Variants in DNPH1 observed in about 807,000 individuals in gnomAD.
DNPH1 encodes the protein 5-hydroxymethyl-dUMP N-hydrolase.
A neutral mutation model predicts 15.7 loss-of-function variants in DNPH1; 18 were observed. That is an observed-to-expected ratio of 1.15 (90% CI 0.79 to 1.70). The LOEUF (loss-of-function observed/expected upper bound fraction) is 1.70, where lower values mean the gene tolerates loss of function less well. Ranked by LOEUF, DNPH1 falls within the 40% of genes most tolerant of loss-of-function variation. DNPH1 has a pLI of 0.00. For synonymous variants in DNPH1, 114 were observed against 107.9 expected (o/e 1.06, Z -0.35); for missense variants, 262 against 255.2 (o/e 1.03, Z -0.18).
chr6:43,225,680 A>C lies in DNPH1; in HGVS notation c.*53T>G. On this transcript the variant is annotated 3_prime_UTR_variant, in exon 4 of 4. Coordinates refer to ENST00000230431, the MANE Select transcript of DNPH1 (RefSeq NM_006443.3). ...TTGCTCCTGGGGCTAAGAGGAAGGA[A>C]TGGTACTAGAGCAGTGTCTGAGAAT... The C allele has an allele frequency of 6.3e-7, 1 of 1,593,160 alleles. No homozygotes were observed. The highest frequency in any genetic ancestry group is 1.3e-5 in the African/African-American group (1 of 74,664).
At position 43,229,282 on chromosome 6, in the gene DNPH1, C is replaced by T; in HGVS notation, c.175G>A (p.Ala59Thr). The change falls in exon 1 of 4, where the codon GCC (alanine) becomes ACC (threonine). Residue 59 changes from alanine to threonine, a missense_variant. Ala to Thr is a moderately conservative substitution (Grantham distance 58, BLOSUM62 0). Coordinates refer to ENST00000230431, the MANE Select transcript of DNPH1 (RefSeq NM_006443.3). ...TCACCGCGCGCGCCCAGCTCGGCGG[C>T]CGCCACGTGCTCGGTGAGCACTGTC... Reference protein sequence around the residue: ...FGTVLTEHVAAAELGARGEEA... With the variant: ...FGTVLTEHVATAELGARGEEA... 1 of 1,437,856 alleles carries T rather than the reference C, an allele frequency of 7.0e-7. No homozygotes were observed. The highest frequency in any genetic ancestry group is 9.1e-7 in the Non-Finnish European group (1 of 1,094,002). The allele number at this position is 1,437,856 out of a possible 1,614,324, so 89.1% of individuals were successfully genotyped here. A position where few individuals can be genotyped will look rare whatever the true frequency, so the allele number is the denominator to read the frequency against.
intron 1 of DNPH1, among the ~76,000 whole-genome samples, chr6:43,228,883 G>T (rs1206852136): frequency 6.6e-6 from 1 of 152,206 alleles, no homozygotes; most frequent in Non-Finnish European, 1.5e-5. Context: ...GATACCTTTC[G>T]TGTTGGGTGG....
Position 43,226,025 on chromosome 6 carries a change from G to A in DNPH1, c.376+8C>T. ...TAGAAAGCCAGGAGGGAGGCTTGGG[G>A]TGCTCACCGCGGCCAGACTGCGGGC... On this transcript the variant is annotated splice_region_variant and intron_variant, in intron 3 of 3. Transcript: ENST00000230431. The surrounding 1 kb of genome is among the most constrained non-coding windows in gnomAD (Gnocchi z 4.1). 3 of 1,613,778 alleles carry A rather than the reference G, an allele frequency of 1.9e-6. No individual in the cohort carries two copies. The highest frequency in any genetic ancestry group is 2.5e-6 in the Non-Finnish European group (3 of 1,179,878).
In DNPH1 at chr6:43,229,384, A is replaced by C. The variant is rs746733806; in HGVS notation, c.73T>G (p.Phe25Val). Residue 25 changes from phenylalanine (F) to valine (V), a missense_variant, in exon 1 of 4, where the codon TTC (phenylalanine) becomes GTC (valine). Phe to Val is a conservative substitution (Grantham distance 50, BLOSUM62 -1). Transcript: ENST00000230431. ...CGTCCGCCGCGAATGCTCCCGCAGA[A>C]GTACAGGGCCGGGCGGCCAGGCTCC... ...RGEPGRPALY[F>V]CGSIRGGRED... The C allele has an allele frequency of 2.0e-6, 3 of 1,477,468 alleles. No individual in the cohort carries two copies. In the South Asian group the frequency reaches 4.0e-5, roughly 19 times the overall value. The allele number at this position is 1,477,468 out of a possible 1,614,324, so 91.5% of individuals were successfully genotyped here. A position where few individuals can be genotyped will look rare whatever the true frequency, so the allele number is the denominator to read the frequency against.
At chr6:43,228,232 G>A (rs1188284587) in intron 1 of DNPH1, among the ~76,000 whole-genome samples, 1 of 151,822 alleles carries the variant, frequency 6.6e-6, no homozygotes, top group Non-Finnish European at 1.5e-5. Flanking sequence ...TGAGGCGGGA[G>A]GATCACTTGA....
chr6:43,229,193 G>C, intron 1 of DNPH1, 68 bp downstream of exon 1: 1 of 1,283,694 alleles, frequency 7.8e-7, no homozygotes, highest in South Asian at 1.9e-5. Context: ...GGGCGGACAG[G>C]CCGGGTCCCT....
intron 1 of DNPH1, among the ~76,000 whole-genome samples, chr6:43,228,151 A>G (rs1776770743): frequency 6.6e-6 from 1 of 151,004 alleles, no homozygotes. Context: ...GCAGAACACA[A>G]TAATGGCCTG....
At position 43,229,481 on chromosome 6, in the gene DNPH1, C is replaced by G; in HGVS notation, c.-25G>C. 7.8e-7 allele frequency: 1 copy of G among 1,281,414 alleles called. No homozygotes were observed. The highest frequency in any genetic ancestry group is 9.8e-7 in the Non-Finnish European group (1 of 1,016,662). 79.4% of individuals were successfully genotyped at this position (1,281,414 alleles called of 1,614,324 possible). A position where few individuals can be genotyped will look rare whatever the true frequency, so the allele number is the denominator to read the frequency against. The stretch of plus-strand genomic sequence containing the variant: ...TTCCCCAGCCGCCCGCGCTCTCCGG[C>G]GCCAGGGGGCGCCAGCCCGCGGCCA... On this transcript the variant is annotated 5_prime_UTR_variant, in exon 1 of 4. Coordinates refer to ENST00000230431, the MANE Select transcript of DNPH1 (RefSeq NM_006443.3).
In DNPH1 at chr6:43,226,253, G is replaced by A; in HGVS notation, c.265+74C>T. 2 of 1,600,368 alleles carry A rather than the reference G, an allele frequency of 1.2e-6. No homozygotes were observed. Reference sequence around the variant, plus strand: ...GGAACTCTGGGAGTCCCTTCTAGGTGTGGAGGCTGGGATGTCCAGGGGAAC... The same window carrying A: ...GGAACTCTGGGAGTCCCTTCTAGGTATGGAGGCTGGGATGTCCAGGGGAAC... On this transcript the variant is annotated intron_variant, in intron 2 of 3. Transcript: ENST00000230431. This position sits in a 1 kb window ranked among gnomAD's most constrained non-coding sequence, Gnocchi z 4.1.
Position 43,225,882 on chromosome 6 carries a change from C to T in DNPH1, c.377-1G>A. The stretch of plus-strand genomic sequence containing the variant: ...GCTCCCCGGATCATGGCCGAAAGCA[C>T]TGGAAAGGGCAGGGAAAGGTGAAGC... On this transcript the variant is annotated splice_acceptor_variant, in intron 3 of 3. Transcript: ENST00000230431. LOFTEE classifies it high-confidence loss of function. 1 of 1,614,138 alleles carries T rather than the reference C, an allele frequency of 6.2e-7. No individual in the cohort carries two copies. Among genetic ancestry groups the T allele is most frequent in the East Asian group, 2.2e-5 (1 of 44,866 alleles).
At position 43,228,750 on chromosome 6, in the gene DNPH1, C is replaced by T. The variant is rs572967889; in HGVS notation, c.196+511G>A. Among the ~76,000 whole-genome samples the T allele has an allele frequency of 1.1e-4, 17 of 149,246 alleles. No individual in the cohort carries two copies. In the South Asian group the frequency reaches 3.6e-3, roughly 32 times the overall value. On this transcript the variant is annotated intron_variant, in intron 1 of 3. Coordinates refer to ENST00000230431, the MANE Select transcript of DNPH1 (RefSeq NM_006443.3). ...CTGAGGCAAGAGAATCACTTGAACC[C>T]GGGAGGTCGAGGTTGCAGTGAGCCG...
Position 43,225,887 on chromosome 6 carries a change from A to T in DNPH1, c.377-6T>A. The T allele has an allele frequency of 3.1e-6, 5 of 1,614,122 alleles. No individual in the cohort carries two copies. Among genetic ancestry groups the T allele is most frequent in the Non-Finnish European group, 4.2e-6 (5 of 1,180,016 alleles). The stretch of plus-strand genomic sequence containing the variant: ...CCGGATCATGGCCGAAAGCACTGGA[A>T]AGGGCAGGGAAAGGTGAAGCTGCCT... On this transcript the variant is annotated splice_region_variant and splice_polypyrimidine_tract_variant and intron_variant, in intron 3 of 3. Transcript: ENST00000230431.
intron 1 of DNPH1, among the ~76,000 whole-genome samples, chr6:43,227,032 A>G (rs1156619162): frequency 6.6e-6 from 1 of 152,040 alleles, no homozygotes; most frequent in Non-Finnish European, 1.5e-5. Context: ...ACTTGAACCC[A>G]GGAGGCGGAA....
rs1554183205 is a variant in DNPH1, at chr6:43,226,113, A to G, written c.296T>C (p.Leu99Ser). The G allele has an allele frequency of 4.3e-6, 7 of 1,613,538 alleles. No homozygotes were observed. Among genetic ancestry groups the G allele is most frequent in the South Asian group, 1.1e-5 (1 of 91,076 alleles). The change falls in exon 3 of 4, where the codon TTG becomes TCG. Residue 99 changes from leucine (L) to serine (S), a missense_variant. Leu to Ser is a moderately radical substitution (Grantham distance 145, BLOSUM62 -2). Coordinates refer to ENST00000230431, the MANE Select transcript of DNPH1 (RefSeq NM_006443.3). The surrounding 1 kb of genome is among the most constrained non-coding windows in gnomAD (Gnocchi z 4.1). ...VVVAEVTQPS[L>S]GVGYELGRAV... ...CCGGCCCAGCTCATAGCCTACACCC[A>G]AGGATGGCTGTGTCACTTCTGCCAC...
Position 43,226,527 on chromosome 6 carries a change from A to C in DNPH1, c.197-132T>G. On this transcript the variant is annotated intron_variant, in intron 1 of 3. Transcript: ENST00000230431. The surrounding 1 kb of genome is among the most constrained non-coding windows in gnomAD (Gnocchi z 4.1). Reference sequence around the variant, plus strand: ...GTGCCAGATGACCTGACCAAACATGACAATCTCATCAAAGCAGCGAGGAAA... The same window carrying C: ...GTGCCAGATGACCTGACCAAACATGCCAATCTCATCAAAGCAGCGAGGAAA... The C allele has an allele frequency of 1.4e-6, 1 of 732,430 alleles. No individual in the cohort carries two copies. The highest frequency in any genetic ancestry group is 1.9e-5 in the South Asian group (1 of 52,516). 45.4% of individuals were successfully genotyped at this position (732,430 alleles called of 1,614,324 possible). A position where few individuals can be genotyped will look rare whatever the true frequency, so the allele number is the denominator to read the frequency against.
chr6:43,229,115 G>T (rs1776784360), intron 1 of DNPH1, 146 bp downstream of exon 1: 1 of 872,042 alleles, frequency 1.1e-6, no homozygotes, highest in Non-Finnish European at 1.7e-6. Flanking sequence ...GGGCTGGGGC[G>T]CTGGATGGAG....
rs878918534 is a variant in DNPH1, at chr6:43,225,689, G to C, written c.*44C>G. 6.2e-7 allele frequency: 1 copy of C among 1,607,256 alleles called. No homozygotes were observed. The highest frequency in any genetic ancestry group is 8.5e-7 in the Non-Finnish European group (1 of 1,176,332). On this transcript the variant is annotated 3_prime_UTR_variant, in exon 4 of 4. Coordinates refer to ENST00000230431, the MANE Select transcript of DNPH1 (RefSeq NM_006443.3). ...GGGCTAAGAGGAAGGAATGGTACTA[G>C]AGCAGTGTCTGAGAATAGAAGAATT...
rs542238914 is a variant in DNPH1, at chr6:43,226,545, C to T, written c.197-150G>A. On this transcript the variant is annotated intron_variant, in intron 1 of 3. Coordinates refer to ENST00000230431, the MANE Select transcript of DNPH1 (RefSeq NM_006443.3). This position sits in a 1 kb window ranked among gnomAD's most constrained non-coding sequence, Gnocchi z 4.1. ...AAACATGACAATCTCATCAAAGCAGCGAGGAAATGGAATAGCCACAAAAAG... is the reference window on the plus strand; with the variant it reads ...AAACATGACAATCTCATCAAAGCAGTGAGGAAATGGAATAGCCACAAAAAG... The T allele has an allele frequency of 3.8e-5, 25 of 657,594 alleles. No homozygotes were observed. The highest frequency in any genetic ancestry group is 4.8e-5 in the Non-Finnish European group (19 of 397,876). The allele number at this position is 657,594 out of a possible 1,614,324, so 40.7% of individuals were successfully genotyped here.
chr6:43,229,473 C>A lies in DNPH1; in HGVS notation c.-17G>T, dbSNP rs568605728. 4.7e-6 allele frequency: 6 copies of A among 1,285,710 alleles called. No homozygotes were observed. The South Asian group carries it at 1.5e-4, about 32-fold the overall frequency. The allele number at this position is 1,285,710 out of a possible 1,614,324, so 79.6% of individuals were successfully genotyped here. ...AGCAGCCATTCCCCAGCCGCCCGCG[C>A]TCTCCGGCGCCAGGGGGCGCCAGCC... On this transcript the variant is annotated 5_prime_UTR_variant, in exon 1 of 4. Coordinates refer to ENST00000230431, the MANE Select transcript of DNPH1 (RefSeq NM_006443.3).
Sources: gnomAD v4.1 joint callset for allele counts (sites outside exome capture counted in the v4.1 genomes callset) on GRCh38, gnomAD v4.1.1 for gene constraint, Gnocchi (gnomAD v3.1) non-coding constraint, MANE v1.5 for transcripts, NCBI Gene and HGNC (gene_info 2026-07-23, HGNC 2026-07-21) for gene names.